Variants in ERBB4 observed in about 807,000 individuals in gnomAD.
The protein encoded by ERBB4 is receptor tyrosine-protein kinase erbB-4.
ERBB4 carries 42 observed loss-of-function variants against 158.0 expected under a neutral mutation model. The observed-to-expected ratio is 0.27, with a 90% confidence interval of 0.21 to 0.34. ERBB4 has a LOEUF of 0.34. Ranked by LOEUF, ERBB4 falls within the 10% of genes least tolerant of loss-of-function variation. The pLI, the probability that ERBB4 is intolerant of heterozygous loss-of-function variation, is 1.00. For missense variants in ERBB4, 1,333 were observed against 1,624.1 expected (o/e 0.82, Z 3.08); for synonymous variants, 583 against 558.7 (o/e 1.04, Z -0.61).
intron 1 of ERBB4, among the ~76,000 whole-genome samples, chr2:212,271,143 C>T (rs1445519000): frequency 6.6e-6 from 1 of 151,556 alleles, no homozygotes; most frequent in Non-Finnish European, 1.5e-5. Context: ...TTATCTAATG[C>T]CTTTTGATTA....
chr2:212,372,689 C>T (rs533302298), intron 1 of ERBB4, among the ~76,000 whole-genome samples: 7 of 152,244 alleles, frequency 4.6e-5, no homozygotes, highest in East Asian at 3.9e-4. Context: ...GCAGAGGTTG[C>T]GGTGAGCCGA....
At chr2:212,115,714 C>T (rs1401280783) in intron 2 of ERBB4, among the ~76,000 whole-genome samples, 1 of 151,964 alleles carries the variant, frequency 6.6e-6, no homozygotes, top group Admixed American at 6.6e-5. Context: ...TCACCATGTT[C>T]CTCGGGCTAG....
At chr2:211,614,906 TG>T (rs2069330186) in intron 19 of ERBB4, among the ~76,000 whole-genome samples, 1 of 152,058 alleles carries the variant, frequency 6.6e-6, no homozygotes, top group Non-Finnish European at 1.5e-5. Flanking sequence ...AAATTTCCTA[TG>T]GTATATATAG....
At chr2:212,282,219 AT>A (rs2085785352) in intron 1 of ERBB4, among the ~76,000 whole-genome samples, 1 of 151,804 alleles carries the variant, frequency 6.6e-6, no homozygotes, top group Non-Finnish European at 1.5e-5. Flanking sequence ...AGGGATATGT[AT>A]TTTTTCAATT....
chr2:212,218,802 G>A (rs921478865), intron 1 of ERBB4, among the ~76,000 whole-genome samples: 10 of 151,360 alleles, frequency 6.6e-5, no homozygotes, highest in Non-Finnish European at 1.3e-4. Context: ...AGAAAGATGA[G>A]TTTCATGTAT....
intron 4 of ERBB4, among the ~76,000 whole-genome samples, chr2:211,773,028 C>T (rs956685571): frequency 6.8e-6 from 1 of 146,566 alleles, no homozygotes; most frequent in African/African-American, 2.5e-5. Flanking sequence ...AGGGAATCCT[C>T]CCACTTCAGC....
Position 211,558,865 on chromosome 2 carries a change from A to G in ERBB4, c.2487+3038T>C, listed in dbSNP as rs560267423. Among the ~76,000 whole-genome samples, 13 of 152,284 alleles carry G rather than the reference A, an allele frequency of 8.5e-5. No homozygotes were observed. The South Asian group carries it at 1.7e-3, about 19-fold the overall frequency. ...ATATATTTATTGAATGGCTAACTAC[A>G]TGTAAGATCCAATTTTAGATTCCGG... is the stretch of plus-strand genomic sequence containing the variant. On this transcript the variant is annotated intron_variant, in intron 20 of 27. Coordinates refer to ENST00000342788, the MANE Select transcript of ERBB4 (RefSeq NM_005235.3).
At chr2:212,341,842 G>T (rs2088732115) in intron 1 of ERBB4, among the ~76,000 whole-genome samples, 1 of 152,092 alleles carries the variant, frequency 6.6e-6, no homozygotes, top group South Asian at 2.1e-4. Flanking sequence ...GGAACCAGTA[G>T]GTATAGATAA....
At chr2:211,949,169 A>T (rs1414852147) in intron 2 of ERBB4, among the ~76,000 whole-genome samples, 2 of 152,034 alleles carry the variant, frequency 1.3e-5, no homozygotes, top group Non-Finnish European at 2.9e-5. Flanking sequence ...ATCATTCCTC[A>T]TCTAGGTTAT....
At chr2:211,729,626 T>G (rs1018113439) in intron 5 of ERBB4, among the ~76,000 whole-genome samples, 19 of 151,990 alleles carry the variant, frequency 1.3e-4, no homozygotes, top group African/African-American at 3.9e-4. Context: ...TTAGTAGCAT[T>G]TTTTGATTAA....
intron 2 of ERBB4, among the ~76,000 whole-genome samples, chr2:211,949,878 C>A (rs1347444558): frequency 6.6e-6 from 1 of 152,188 alleles, no homozygotes; most frequent in African/African-American, 2.4e-5. Flanking sequence ...CCTTCTACTA[C>A]ACTATATCAT....
intron 2 of ERBB4, among the ~76,000 whole-genome samples, chr2:212,098,251 C>A (rs147430121): frequency 1.3e-5 from 2 of 152,242 alleles, no homozygotes; most frequent in Non-Finnish European, 2.9e-5. Flanking sequence ...CCCCCTCCAA[C>A]CCTCAAAGAA....
chr2:211,551,921 G>C (rs895518805), intron 20 of ERBB4, among the ~76,000 whole-genome samples: 1 of 152,200 alleles, frequency 6.6e-6, no homozygotes, highest in Non-Finnish European at 1.5e-5. Flanking sequence ...CTCTGCTCGT[G>C]TAACATATTC....
chr2:212,212,128 G>A (rs1234240848), intron 1 of ERBB4, among the ~76,000 whole-genome samples: 1 of 152,014 alleles, frequency 6.6e-6, no homozygotes, highest in African/African-American at 2.4e-5. Flanking sequence ...GAACCTTGAG[G>A]AATCACCATA....
chr2:211,769,730 A>G (rs549326550), intron 4 of ERBB4, among the ~76,000 whole-genome samples: 2 of 152,306 alleles, frequency 1.3e-5, no homozygotes, highest in African/African-American at 4.8e-5. Context: ...CCAAAAGCTG[A>G]AGAACTTGGA....
chr2:212,493,244 A>C (rs763386419), intron 1 of ERBB4, among the ~76,000 whole-genome samples: 1 of 151,544 alleles, frequency 6.6e-6, no homozygotes, highest in Non-Finnish European at 1.5e-5. Context: ...CACAACACAC[A>C]TATAAATAAA....
chr2:212,352,355 GA>G (rs954002586), intron 1 of ERBB4, among the ~76,000 whole-genome samples: 1 of 149,324 alleles, frequency 6.7e-6, no homozygotes, highest in Non-Finnish European at 1.5e-5. Flanking sequence ...ATTTTAGATT[GA>G]AAAAAACAAA....
At chr2:212,397,230 T>G (rs779545138) in intron 1 of ERBB4, among the ~76,000 whole-genome samples, 34 of 152,130 alleles carry the variant, frequency 2.2e-4, no homozygotes, top group South Asian at 6.2e-4. Flanking sequence ...ATCTCAGCAC[T>G]TTGAGAGACT....
At chr2:212,477,239 A>T (rs1195607555) in intron 1 of ERBB4, among the ~76,000 whole-genome samples, 1 of 152,124 alleles carries the variant, frequency 6.6e-6, no homozygotes, top group African/African-American at 2.4e-5. Context: ...CTCAAAGATT[A>T]AAGAGTGTCT....
Sources: gnomAD v4.1 joint callset for allele counts (sites outside exome capture counted in the v4.1 genomes callset) on GRCh38, gnomAD v4.1.1 for gene constraint, MANE v1.5 for transcripts, NCBI Gene and HGNC (gene_info 2026-07-23, HGNC 2026-07-21) for gene names.